LGALS4: variants seen among roughly 807,000 people sequenced by gnomAD.
The protein encoded by LGALS4 is galectin 4.
Under a neutral mutation model 39.6 loss-of-function variants are expected in LGALS4, and 37 were observed. The observed-to-expected ratio is 0.93, with a 90% CI of 0.72 to 1.23. LGALS4 has a LOEUF of 1.23. LGALS4 is among the 50% of genes most tolerant of loss of function. LGALS4 has a pLI of 0.00. For synonymous variants in LGALS4, 160 were observed against 165.5 expected (o/e 0.97, Z 0.25); for missense variants, 397 against 433.2 (o/e 0.92, Z 0.74).
At chr19:38,803,695 C>A in intron 6 of LGALS4, 47 bp downstream of exon 6, 1 of 1,606,198 alleles carries the variant, frequency 6.2e-7, no homozygotes, top group East Asian at 2.2e-5. Flanking sequence ...CCCCAATTCT[C>A]ACCATTCCCA....
At chr19:38,803,195 A>G in intron 7 of LGALS4, 1 of 332,208 alleles carries the variant, frequency 3.0e-6, no homozygotes, top group Non-Finnish European at 5.6e-6. Context: ...TTGTATTTTT[A>G]GTAGAGACAG....
At chr19:38,808,640 A>G (rs8111357) in intron 3 of LGALS4, 104 bp downstream of exon 3, 141,896 of 766,228 alleles carry the variant, frequency 0.19, 11,337 homozygotes, top group African/African-American at 0.35. Context: ...AAAAAAAAAA[A>G]AAAGAAAGAA....
intron 8 of LGALS4, 43 bp from the exon 9 acceptor site, chr19:38,802,200 G>A (rs774008071): frequency 6.2e-7 from 1 of 1,608,672 alleles, no homozygotes; most frequent in Admixed American, 1.7e-5. Flanking sequence ...GAGTCCAGTG[G>A]GAAGAGGCCA....
chr19:38,804,549 C>T (rs1253838396), intron 4 of LGALS4, among the ~76,000 whole-genome samples: 1 of 152,166 alleles, frequency 6.6e-6, no homozygotes, highest in African/African-American at 2.4e-5. Flanking sequence ...AAGTCTAACA[C>T]CTTTAACTTT....
intron 4 of LGALS4, among the ~76,000 whole-genome samples, chr19:38,804,531 A>G (rs1971399781): frequency 6.6e-6 from 1 of 151,886 alleles, no homozygotes; most frequent in Non-Finnish European, 1.5e-5. Flanking sequence ...CGCTCGCCTC[A>G]CCCTCCCAAG....
chr19:38,808,696 G>T, intron 3 of LGALS4, 48 bp downstream of exon 3: 1 of 1,447,756 alleles, frequency 6.9e-7, no homozygotes, highest in Non-Finnish European at 9.6e-7. Flanking sequence ...CAGCCAAGAT[G>T]GCGCCACTGC....
chr19:38,807,094 G>A (rs888183353), intron 3 of LGALS4, among the ~76,000 whole-genome samples: 10 of 152,092 alleles, frequency 6.6e-5, no homozygotes, highest in African/African-American at 1.7e-4. Context: ...CTGGCCGGGC[G>A]CAGTGGCTCA....
At chr19:38,803,215 A>G (rs1246237587) in intron 7 of LGALS4, 3 of 422,948 alleles carry the variant, frequency 7.1e-6, no homozygotes, top group African/African-American at 4.0e-5. Context: ...GAGTTTCACT[A>G]TGCTGGCCAG....
chr19:38,812,915 T>C lies in LGALS4; in HGVS notation c.-29A>G, dbSNP rs764774356. ...TCGAGGCTGCGCTAGTGGCTGGTCCTGTGAGAAGAGCTGCAGGAGTGGGAG... is the reference window on the plus strand; with the variant it reads ...TCGAGGCTGCGCTAGTGGCTGGTCCCGTGAGAAGAGCTGCAGGAGTGGGAG... On this transcript the variant is annotated 5_prime_UTR_variant, in exon 1 of 10. Coordinates refer to ENST00000307751, the MANE Select transcript of LGALS4 (RefSeq NM_006149.4). 1.9e-6 allele frequency: 3 copies of C among 1,606,060 alleles called. No individual in the cohort carries two copies. The highest frequency in any genetic ancestry group is 1.7e-6 in the Non-Finnish European group (2 of 1,178,274).
chr19:38,808,623 CAAAAAA>C (rs371371385), intron 3 of LGALS4, 115 bp downstream of exon 3: 209 of 539,460 alleles, frequency 3.9e-4, no homozygotes, highest in South Asian at 1.2e-3. Flanking sequence ...AACTCCATCT[CAAAAAA>C]AAAAAAAAAA....
chr19:38,806,487 T>G lies in LGALS4; in HGVS notation c.448A>C (p.Ile150Leu), dbSNP rs776320517. ...GDLQLQSINF[I>L]GGQPLRPQGP... is the part of the protein sequence containing the mutation. ...TGGGGCCGGAGGGGCTGGCCTCCGA[T>G]GAAGTTGATTGATTGAAGTTGCAGA... Residue 150 changes from isoleucine (I) to leucine (L), a missense_variant, in exon 4 of 10, where the codon ATC (isoleucine) becomes CTC (leucine). Coordinates refer to ENST00000307751, the MANE Select transcript of LGALS4 (RefSeq NM_006149.4). 6.2e-7 allele frequency: 1 copy of G among 1,613,996 alleles called. No individual in the cohort carries two copies. Among genetic ancestry groups the G allele is most frequent in the Non-Finnish European group, 8.5e-7 (1 of 1,179,962 alleles).
At chr19:38,810,821 G>A (rs1182315933) in intron 2 of LGALS4, among the ~76,000 whole-genome samples, 1 of 151,188 alleles carries the variant, frequency 6.6e-6, no homozygotes, top group Admixed American at 6.6e-5. Flanking sequence ...ACCTCTGTCC[G>A]CACATACACT....
At chr19:38,803,598 TATCTATG>T (rs372030178) in intron 6 of LGALS4, 47 bp from the exon 7 acceptor site, 261 of 1,608,606 alleles carry the variant, frequency 1.6e-4, no homozygotes, top group Non-Finnish European at 2.0e-4. Flanking sequence ...AGTCGACAGA[TATCTATG>T]ACACACCCAT....
chr19:38,808,950 T>C lies in LGALS4; in HGVS notation c.135-2A>G. On this transcript the variant is annotated splice_acceptor_variant, in intron 2 of 9. Transcript: ENST00000307751. LOFTEE classifies it high-confidence loss of function. Reference sequence around the variant, plus strand: ...CCAACCACAAAGTTCACGAAGAACCTGGCGGGACACAAAGGGCTCATTCCC... The same window carrying C: ...CCAACCACAAAGTTCACGAAGAACCCGGCGGGACACAAAGGGCTCATTCCC... 6.2e-7 allele frequency: 1 copy of C among 1,601,816 alleles called. No homozygotes were observed. Among genetic ancestry groups the C allele is most frequent in the South Asian group, 1.1e-5 (1 of 89,632 alleles).
chr19:38,802,495 T>A lies in LGALS4; in HGVS notation c.571-91A>T. ...TTTCTTTTTCTTTTCTTTTCTTTCC[T>A]GTCTTTTTTTCTTATAAGAGATGGG... On this transcript the variant is annotated intron_variant, in intron 7 of 9. Transcript: ENST00000307751. The A allele has an allele frequency of 3.0e-6, 3 of 1,007,170 alleles. No individual in the cohort carries two copies. The Admixed American group carries it at 5.9e-5, about 20-fold the overall frequency. 62.4% of individuals were successfully genotyped at this position (1,007,170 alleles called of 1,614,324 possible).
At chr19:38,808,141 T>A (rs1462686359) in intron 3 of LGALS4, among the ~76,000 whole-genome samples, 4 of 140,642 alleles carry the variant, frequency 2.8e-5, no homozygotes, top group Non-Finnish European at 6.3e-5. Context: ...AATAAATAAA[T>A]AATAAAATAA....
intron 4 of LGALS4, among the ~76,000 whole-genome samples, chr19:38,805,192 A>AT (rs1481470961): frequency 6.7e-6 from 1 of 148,656 alleles, no homozygotes; most frequent in Non-Finnish European, 1.5e-5. Flanking sequence ...AATAATAATA[A>AT]TAATAATAAT....
At chr19:38,802,629 G>A (rs1195687472) in intron 7 of LGALS4, among the ~76,000 whole-genome samples, 1 of 152,042 alleles carries the variant, frequency 6.6e-6, no homozygotes, top group East Asian at 1.9e-4. Flanking sequence ...CGAAGTGCTG[G>A]GATTACAGGC....
chr19:38,812,891 C>A lies in LGALS4; in HGVS notation c.-5G>T, dbSNP rs143752580. 1 of 1,611,434 alleles carries A rather than the reference C, an allele frequency of 6.2e-7. No individual in the cohort carries two copies. Among genetic ancestry groups the A allele is most frequent in the Admixed American group, 1.7e-5 (1 of 59,994 alleles). Reference sequence around the variant, plus strand: ...CGGTGCGGGGACATAGGCCATCGCTCGAGGCTGCGCTAGTGGCTGGTCCTG... The same window carrying A: ...CGGTGCGGGGACATAGGCCATCGCTAGAGGCTGCGCTAGTGGCTGGTCCTG... On this transcript the variant is annotated 5_prime_UTR_variant, in exon 1 of 10. Coordinates refer to ENST00000307751, the MANE Select transcript of LGALS4 (RefSeq NM_006149.4).
Sources: allele counts gnomAD v4.1 joint callset (sites outside exome capture counted in the v4.1 genomes callset), GRCh38; gene constraint gnomAD v4.1.1; transcripts MANE v1.5; gene names NCBI Gene and HGNC (gene_info 2026-07-23, HGNC 2026-07-21).